Variants in CHD9 observed in about 807,000 individuals in gnomAD.
CHD9 encodes ATP-dependent chromatin remodeler CHD9.
CHD9 carries 77 observed loss-of-function variants against 316.1 expected under a neutral mutation model. The ratio of observed to expected loss-of-function variants is 0.24; its 90% CI spans 0.20 to 0.29. CHD9 has a LOEUF of 0.29. CHD9 is among the 10% of genes least tolerant of loss of function. CHD9 has a pLI of 1.00. For synonymous variants in CHD9, 1,129 were observed against 1,158.3 expected, an observed-to-expected ratio of 0.97 and a Z score of 0.51; for missense variants, 2,763 against 3,438.1, an observed-to-expected ratio of 0.80 and a Z score of 4.91.
At chr16:53,146,569 G>A (rs1341124093) in intron 1 of CHD9, among the ~76,000 whole-genome samples, 5 of 150,324 alleles carry the variant, frequency 3.3e-5, no homozygotes, top group Admixed American at 6.6e-5. Context: ...AGGCCGAGGC[G>A]GGTGGATCAC....
chr16:53,066,062 T>G (rs774122785), intron 1 of CHD9, among the ~76,000 whole-genome samples: 7 of 152,154 alleles, frequency 4.6e-5, no homozygotes, highest in Non-Finnish European at 1.0e-4. Flanking sequence ...CTTCTTGCAA[T>G]CAACAGGCAA....
intron 37 of CHD9, among the ~76,000 whole-genome samples, chr16:53,320,268 GACA>G (rs1326471567): frequency 2.0e-5 from 3 of 151,328 alleles, no homozygotes; most frequent in Non-Finnish European, 4.4e-5. Flanking sequence ...GGCCTGTAAT[GACA>G]ACACTTTGGG....
At chr16:53,170,871 CTT>C (rs904848276) in intron 2 of CHD9, among the ~76,000 whole-genome samples, 3 of 151,914 alleles carry the variant, frequency 2.0e-5, no homozygotes, top group African/African-American at 7.3e-5. Flanking sequence ...TTTTTGAACA[CTT>C]ATCATAAATA....
chr16:53,314,341 ATT>A (rs964911789), intron 34 of CHD9, 34 bp from the exon 35 acceptor site: 2 of 1,481,136 alleles, frequency 1.4e-6, no homozygotes, highest in African/African-American at 2.8e-5. Context: ...TAAGAACTAA[ATT>A]TGTATCACCA....
intron 2 of CHD9, among the ~76,000 whole-genome samples, chr16:53,164,565 C>T (rs1316732130): frequency 6.6e-6 from 1 of 151,748 alleles, no homozygotes; most frequent in East Asian, 1.9e-4. Flanking sequence ...GGTGATAGAG[C>T]AAGGCCCTGT....
At chr16:53,280,979 C>T (rs1296275915) in intron 24 of CHD9, among the ~76,000 whole-genome samples, 1 of 152,012 alleles carries the variant, frequency 6.6e-6, no homozygotes, top group Non-Finnish European at 1.5e-5. Context: ...TCCTTTTTCT[C>T]ACTACTCTTT....
At position 53,130,371 on chromosome 16, in the gene CHD9, G is replaced by C. The variant is rs529279525; in HGVS notation, c.-164-25555G>C. 1.9e-4 allele frequency among the ~76,000 whole-genome samples: 29 copies of C among 152,192 alleles called. 1 individual carries two copies. In the South Asian group the frequency reaches 5.8e-3, roughly 30 times the overall value. ...ACTCTCGCCCTTCCTCGGCGGACCC[G>C]AGCTGCCCGAGAGATGCCCTGCATG... On this transcript the variant is annotated intron_variant, in intron 1 of 38. Coordinates refer to ENST00000447540, the MANE Select transcript of CHD9 (RefSeq NM_001308319.2).
chr16:53,244,030 C>G (rs1255082721), intron 13 of CHD9, among the ~76,000 whole-genome samples: 2 of 152,146 alleles, frequency 1.3e-5, no homozygotes, highest in East Asian at 3.9e-4. Context: ...ACATAATGTG[C>G]AGATTCGCAG....
chr16:53,118,770 ATC>A (rs1320331678), intron 1 of CHD9, among the ~76,000 whole-genome samples: 1 of 151,194 alleles, frequency 6.6e-6, no homozygotes, highest in Non-Finnish European at 1.5e-5. Flanking sequence ...GCTTCAAAAC[ATC>A]TCAATAAAAA....
At chr16:53,066,416 T>TA (rs1326757235) in intron 1 of CHD9, among the ~76,000 whole-genome samples, 1 of 152,136 alleles carries the variant, frequency 6.6e-6, no homozygotes, top group Non-Finnish European at 1.5e-5. Flanking sequence ...TTACCAGCCT[T>TA]AAAAAATGTA....
At chr16:53,219,558 C>T (rs1232395217) in intron 3 of CHD9, among the ~76,000 whole-genome samples, 2 of 152,078 alleles carry the variant, frequency 1.3e-5, no homozygotes, top group Non-Finnish European at 2.9e-5. Context: ...TTAGTGAGAA[C>T]CAGAAGACTC....
At chr16:53,282,435 GTC>G (rs2053495580) in intron 24 of CHD9, among the ~76,000 whole-genome samples, 1 of 152,068 alleles carries the variant, frequency 6.6e-6, no homozygotes, top group Non-Finnish European at 1.5e-5. Flanking sequence ...GCGAAACCCT[GTC>G]TCTACAAAAA....
chr16:53,180,251 C>G (rs1016742958), intron 2 of CHD9, among the ~76,000 whole-genome samples: 51 of 152,198 alleles, frequency 3.4e-4, no homozygotes, highest in African/African-American at 1.2e-3. Flanking sequence ...AGGTGATCCA[C>G]CTTCCTCGGC....
intron 1 of CHD9, among the ~76,000 whole-genome samples, chr16:53,101,513 A>C (rs763553221): frequency 2.0e-5 from 3 of 152,108 alleles, no homozygotes; most frequent in African/African-American, 4.8e-5. Context: ...CAGGATGTAA[A>C]CTTATGAAGT....
intron 1 of CHD9, among the ~76,000 whole-genome samples, chr16:53,126,033 T>G (rs567093159): frequency 2.0e-5 from 3 of 152,352 alleles, no homozygotes; most frequent in African/African-American, 7.2e-5. Context: ...TGTGGTTTCT[T>G]GTATGAAAGT....
intron 2 of CHD9, among the ~76,000 whole-genome samples, chr16:53,196,232 C>T (rs754435977): frequency 1.3e-5 from 2 of 152,102 alleles, no homozygotes; most frequent in Non-Finnish European, 2.9e-5. Flanking sequence ...AATTGTATCA[C>T]ATGTATAGGT....
intron 1 of CHD9, among the ~76,000 whole-genome samples, chr16:53,132,169 T>C (rs2039378105): frequency 6.6e-6 from 1 of 152,122 alleles, no homozygotes. Context: ...ACAAAGTAGA[T>C]GAGAATTTTG....
intron 22 of CHD9, among the ~76,000 whole-genome samples, chr16:53,268,988 G>A (rs934607012): frequency 1.3e-5 from 2 of 151,800 alleles, no homozygotes; most frequent in African/African-American, 4.8e-5. Context: ...TTTTTATATT[G>A]CAGAGTCAGG....
At chr16:53,257,117 G>A (rs2050680835) in intron 19 of CHD9, among the ~76,000 whole-genome samples, 1 of 152,128 alleles carries the variant, frequency 6.6e-6, no homozygotes, top group Non-Finnish European at 1.5e-5. Context: ...AGGGAATTGC[G>A]AATTTCATTG....
Sources: allele counts gnomAD v4.1 joint callset (sites outside exome capture counted in the v4.1 genomes callset), GRCh38; gene constraint gnomAD v4.1.1; transcripts MANE v1.5; gene names NCBI Gene and HGNC (gene_info 2026-07-23, HGNC 2026-07-21).